CSMD1: variants seen among roughly 807,000 people sequenced by gnomAD.
CSMD1 encodes the protein CUB and Sushi multiple domains 1.
CSMD1 carries 213 observed loss-of-function variants against 417.5 expected under a neutral mutation model. The ratio of observed to expected loss-of-function variants is 0.51; its 90% CI spans 0.46 to 0.57. The LOEUF (loss-of-function observed/expected upper bound fraction) is 0.57, where lower values mean the gene tolerates loss of function less well. Among genes scored for constraint, CSMD1 ranks in the 20% least tolerant of loss-of-function variants. The pLI is 0.00. For missense variants in CSMD1, 6,923 were observed against 4,529.7 expected (o/e 1.53, Z -15.17); for synonymous variants, 2,862 against 1,736.8 (o/e 1.65, Z -16.11).
chr8:3,586,386 CA>C, intron 8 of CSMD1, 126 bp from the exon 9 acceptor site: 1 of 871,848 alleles, frequency 1.1e-6, no homozygotes, highest in Middle Eastern at 2.9e-4. Flanking sequence ...AGACATTAAG[CA>C]ACTCATTAGG....
At chr8:3,615,104 C>G (rs1401284518) in intron 8 of CSMD1, among the ~76,000 whole-genome samples, 1 of 152,104 alleles carries the variant, frequency 6.6e-6, no homozygotes, top group African/African-American at 2.4e-5. Flanking sequence ...ATACTGGAAA[C>G]CAGCATCCTT....
At chr8:3,769,642 T>G (rs1339275018) in intron 5 of CSMD1, among the ~76,000 whole-genome samples, 1 of 152,154 alleles carries the variant, frequency 6.6e-6, no homozygotes, top group East Asian at 1.9e-4. Flanking sequence ...TTTTTTCCAT[T>G]AAGAGAATGT....
chr8:3,097,925 T>C (rs1244274813), intron 46 of CSMD1, among the ~76,000 whole-genome samples: 2 of 152,244 alleles, frequency 1.3e-5, no homozygotes. Flanking sequence ...AAATGTATCA[T>C]GAAGATACTA....
At chr8:2,961,053 T>C in intron 62 of CSMD1, 88 bp downstream of exon 62, 1 of 746,370 alleles carries the variant, frequency 1.3e-6, no homozygotes, top group Non-Finnish European at 2.0e-6. Flanking sequence ...GAATAAGGTA[T>C]GATATAAAAA....
At chr8:4,230,325 A>T (rs1279777197) in intron 3 of CSMD1, among the ~76,000 whole-genome samples, 1 of 152,214 alleles carries the variant, frequency 6.6e-6, no homozygotes, top group Non-Finnish European at 1.5e-5. Flanking sequence ...CAATTAATCC[A>T]TCCATTGCAT....
intron 3 of CSMD1, among the ~76,000 whole-genome samples, chr8:4,314,173 C>T (rs888307160): frequency 2.0e-5 from 3 of 152,104 alleles, no homozygotes; most frequent in Admixed American, 2.0e-4. Context: ...TTAAAAGCAT[C>T]TCATTCCTTG....
At chr8:3,156,881 C>A (rs1348775869) in intron 39 of CSMD1, among the ~76,000 whole-genome samples, 2 of 145,204 alleles carry the variant, frequency 1.4e-5, no homozygotes, top group African/African-American at 5.2e-5. Flanking sequence ...CTAAGAATCA[C>A]AGGGGAGGAT....
rs117458587 is a variant in CSMD1, at chr8:4,546,701, T to A, written c.302+90641A>T. Reference sequence around the variant, plus strand: ...CCTGTAGATAGCAGATCATGAGACGTCTCCGCCTTCATAATCATAGCTAAG... The same window carrying A: ...CCTGTAGATAGCAGATCATGAGACGACTCCGCCTTCATAATCATAGCTAAG... On this transcript the variant is annotated intron_variant, in intron 2 of 69. Coordinates refer to ENST00000635120, the MANE Select transcript of CSMD1 (RefSeq NM_033225.6). Among the ~76,000 whole-genome samples, 1,227 of 152,168 alleles carry A rather than the reference T, an allele frequency of 8.1e-3. 66 individuals are homozygous for A. Among genetic ancestry groups the A allele is most frequent in the Admixed American group, 0.07 (1,065 of 15,276 alleles).
chr8:3,881,221 T>C (rs1470485588), intron 5 of CSMD1, among the ~76,000 whole-genome samples: 1 of 151,252 alleles, frequency 6.6e-6, no homozygotes, highest in Admixed American at 6.6e-5. Context: ...TTCAAGTCAC[T>C]CTCAACCCAA....
chr8:4,250,969 G>A (rs189160591), intron 3 of CSMD1, among the ~76,000 whole-genome samples: 10 of 152,252 alleles, frequency 6.6e-5, no homozygotes, highest in South Asian at 2.1e-4. Flanking sequence ...ATGTTACTAG[G>A]TGAATTGATT....
At chr8:3,515,793 G>A (rs1036091029) in intron 10 of CSMD1, among the ~76,000 whole-genome samples, 9 of 152,210 alleles carry the variant, frequency 5.9e-5, no homozygotes, top group Admixed American at 1.3e-4. Flanking sequence ...TGTAGGAAGT[G>A]TCAGTCATGA....
At chr8:4,066,112 C>A (rs1170055559) in intron 3 of CSMD1, among the ~76,000 whole-genome samples, 2 of 152,164 alleles carry the variant, frequency 1.3e-5, no homozygotes, top group East Asian at 1.9e-4. Context: ...AGCTTCCCCT[C>A]CTGAGCCTTT....
At chr8:3,209,513 G>A (rs559964696) in intron 30 of CSMD1, among the ~76,000 whole-genome samples, 39 of 152,064 alleles carry the variant, frequency 2.6e-4, no homozygotes, top group African/African-American at 5.8e-4. Flanking sequence ...TGGAAACGGG[G>A]TTTCACCATG....
chr8:4,542,677 C>T (rs1358115), intron 2 of CSMD1, among the ~76,000 whole-genome samples: 139,415 of 152,208 alleles, frequency 0.92, 65,074 homozygotes, highest in East Asian at 1. Flanking sequence ...GTATCTTATG[C>T]GGCAGAAGAT....
At chr8:3,744,724 A>G (rs1400298421) in intron 6 of CSMD1, among the ~76,000 whole-genome samples, 1 of 152,246 alleles carries the variant, frequency 6.6e-6, no homozygotes, top group Non-Finnish European at 1.5e-5. Flanking sequence ...TGAAATGAAG[A>G]GTCAGTGACT....
At chr8:4,442,322 AAGT>A (rs1284386831) in intron 2 of CSMD1, among the ~76,000 whole-genome samples, 1 of 152,180 alleles carries the variant, frequency 6.6e-6, no homozygotes, top group Non-Finnish European at 1.5e-5. Context: ...ACAAAGTATA[AAGT>A]AGAAGTTCTC....
At chr8:4,007,202 A>G (rs1313344847) in intron 4 of CSMD1, among the ~76,000 whole-genome samples, 3 of 152,068 alleles carry the variant, frequency 2.0e-5, no homozygotes, top group South Asian at 2.1e-4. Flanking sequence ...CATGCCTTCT[A>G]TATATTTTCT....
intron 12 of CSMD1, among the ~76,000 whole-genome samples, chr8:3,432,684 T>G (rs1017810064): frequency 6.6e-6 from 1 of 151,956 alleles, no homozygotes; most frequent in African/African-American, 2.4e-5. Context: ...CCCAGCTAAT[T>G]TTTGTATTTT....
intron 10 of CSMD1, among the ~76,000 whole-genome samples, chr8:3,523,316 A>G (rs1797592349): frequency 6.6e-6 from 1 of 152,214 alleles, no homozygotes; most frequent in African/African-American, 2.4e-5. Context: ...TTGCTTTACT[A>G]AATTATTTTG....
Sources: allele counts gnomAD v4.1 joint callset (sites outside exome capture counted in the v4.1 genomes callset), GRCh38; gene constraint gnomAD v4.1.1; transcripts MANE v1.5; gene names NCBI Gene and HGNC (gene_info 2026-07-23, HGNC 2026-07-21).